The following FRMD3 variants were observed in gnomAD, a reference collection of about 807,000 sequenced individuals.
FRMD3 encodes the protein FERM domain-containing protein 3.
In FRMD3, 33 loss-of-function variants were observed where a neutral mutation model predicts 70.2. The observed-to-expected ratio is 0.47, with a 90% CI of 0.36 to 0.63. The LOEUF is 0.63. Ranked by LOEUF, FRMD3 falls within the 20% of genes least tolerant of loss-of-function variation. The pLI is 0.00. For synonymous variants in FRMD3, 279 were observed against 255.9 expected, an observed-to-expected ratio of 1.09 and a Z score of -0.86; for missense variants, 632 against 711.4, an observed-to-expected ratio of 0.89 and a Z score of 1.27.
At chr9:83,412,770 G>A (rs1826316907) in intron 1 of FRMD3, among the ~76,000 whole-genome samples, 1 of 152,178 alleles carries the variant, frequency 6.6e-6, no homozygotes, top group African/African-American at 2.4e-5. Flanking sequence ...AGAGGCGGGT[G>A]GATAACCTGA....
chr9:83,424,004 C>A (rs1288169355), intron 1 of FRMD3, among the ~76,000 whole-genome samples: 2 of 152,150 alleles, frequency 1.3e-5, no homozygotes, highest in African/African-American at 4.8e-5. Context: ...TCGGACCATG[C>A]CAGTCAAGAG....
intron 3 of FRMD3, among the ~76,000 whole-genome samples, chr9:83,357,766 G>C (rs1302385601): frequency 6.6e-6 from 1 of 151,870 alleles, no homozygotes; most frequent in Non-Finnish European, 1.5e-5. Context: ...CTTTTTGATG[G>C]GATTGCTTGT....
chr9:83,258,062 C>G (rs950347570), intron 13 of FRMD3, among the ~76,000 whole-genome samples: 1 of 152,112 alleles, frequency 6.6e-6, no homozygotes, highest in African/African-American at 2.4e-5. Context: ...AAAGACTGCC[C>G]GTTGATGACA....
intron 1 of FRMD3, among the ~76,000 whole-genome samples, chr9:83,472,078 C>T (rs1220680402): frequency 1.3e-5 from 2 of 150,006 alleles, no homozygotes; most frequent in Non-Finnish European, 3.0e-5. Flanking sequence ...GACTAGGGTG[C>T]TACCAGAGAT....
the FRMD3 span, among the ~76,000 whole-genome samples, chr9:83,578,109 G>A: frequency 6.6e-6 from 1 of 151,474 alleles, no homozygotes; most frequent in Admixed American, 6.6e-5. Flanking sequence ...CAAACGGCCT[G>A]CCAACATTGA....
At chr9:83,296,360 A>G in intron 12 of FRMD3, among the ~76,000 whole-genome samples, 1 of 152,154 alleles carries the variant, frequency 6.6e-6, no homozygotes, top group East Asian at 1.9e-4. Flanking sequence ...AGAAAATGAC[A>G]GGTGCTGCTG....
rs140529090 is a variant in FRMD3, at chr9:83,302,036, C to T, written c.927-2850G>A. ...GTTTCAGCTGAGATTTTTAATGAAA[C>T]GTTAACAGGCAGTTTATTCTGAGAG... On this transcript the variant is annotated intron_variant, in intron 10 of 13. Transcript: ENST00000304195. Among the ~76,000 whole-genome samples, 720 of 152,188 alleles carry T rather than the reference C, an allele frequency of 4.7e-3. 7 individuals are homozygous for T. The highest frequency in any genetic ancestry group is 4.3e-3 in the Non-Finnish European group (290 of 68,026).
chr9:83,294,216 C>T (rs1319055700), intron 12 of FRMD3, among the ~76,000 whole-genome samples: 2 of 152,188 alleles, frequency 1.3e-5, no homozygotes, highest in African/African-American at 2.4e-5. Flanking sequence ...TGTGAGGACA[C>T]AGCAAGAAGG....
chr9:83,448,656 TC>T (rs1432265424), intron 1 of FRMD3, among the ~76,000 whole-genome samples: 2 of 151,716 alleles, frequency 1.3e-5, no homozygotes, highest in African/African-American at 4.8e-5. Flanking sequence ...TCCATTCCCC[TC>T]CCTAAGACCA....
chr9:83,346,370 A>C (rs1823964980), intron 4 of FRMD3, among the ~76,000 whole-genome samples: 1 of 152,182 alleles, frequency 6.6e-6, no homozygotes, highest in South Asian at 2.1e-4. Flanking sequence ...CCATAACAAA[A>C]ATGAAAAGCT....
rs758618396 is a variant in FRMD3 at position 83,283,541 on chromosome 9, AAAAAAAAT to A, written c.1195+7054_1195+7061del. ...GCGAGAATCCATCTCAAAAAAAAAAAAAAAAAATAATAATAATAATAATAATAATAATA... is the reference window on the plus strand; with the variant it reads ...GCGAGAATCCATCTCAAAAAAAAAAAAATAATAATAATAATAATAATAATA... On this transcript the variant is annotated intron_variant, in intron 13 of 13. Transcript: ENST00000304195. Among the ~76,000 whole-genome samples, 201 of 25,880 alleles carry A rather than the reference AAAAAAAAT, an allele frequency of 7.8e-3. No homozygotes were observed. The South Asian group carries it at 0.21, about 27-fold the overall frequency. 17.0% of individuals were successfully genotyped at this position (25,880 alleles called of 152,430 possible). A position where few individuals can be genotyped will look rare whatever the true frequency, so the allele number is the denominator to read the frequency against.
At chr9:83,285,983 A>C (rs2118944293) in intron 13 of FRMD3, among the ~76,000 whole-genome samples, 1 of 152,296 alleles carries the variant, frequency 6.6e-6, no homozygotes, top group South Asian at 2.1e-4. Flanking sequence ...GTGCCTAGGA[A>C]CTGATTTTGT....
intron 1 of FRMD3, among the ~76,000 whole-genome samples, chr9:83,493,203 G>A (rs1456619324): frequency 2.0e-5 from 3 of 152,182 alleles, no homozygotes; most frequent in Non-Finnish European, 2.9e-5. Context: ...AGCACTGGGG[G>A]CTATGTTGGT....
chr9:83,579,371 G>C, the FRMD3 span, among the ~76,000 whole-genome samples: 1 of 151,458 alleles, frequency 6.6e-6, no homozygotes, highest in Admixed American at 6.6e-5. Flanking sequence ...CACACTCCCT[G>C]ATTTCATAGT....
chr9:83,405,238 T>C (rs527857960), intron 1 of FRMD3, among the ~76,000 whole-genome samples: 33 of 152,298 alleles, frequency 2.2e-4, no homozygotes, highest in African/African-American at 7.9e-4. Flanking sequence ...GGCCTCCCAG[T>C]GCCCAGGTGT....
At chr9:83,353,941 G>A (rs553170254) in intron 3 of FRMD3, among the ~76,000 whole-genome samples, 1 of 149,876 alleles carries the variant, frequency 6.7e-6, no homozygotes, top group East Asian at 1.9e-4. Flanking sequence ...TTTTTTTCTT[G>A]AGACAGAGTT....
chr9:83,476,552 C>T (rs1587891327), intron 1 of FRMD3, among the ~76,000 whole-genome samples: 1 of 152,200 alleles, frequency 6.6e-6, no homozygotes, highest in East Asian at 1.9e-4. Flanking sequence ...GGAGATGTGC[C>T]TCAATAATTA....
chr9:83,246,976 G>A lies in FRMD3; in HGVS notation c.*942C>T, dbSNP rs1832136541. On this transcript the variant is annotated 3_prime_UTR_variant, in exon 14 of 14. Coordinates refer to ENST00000304195, the MANE Select transcript of FRMD3 (RefSeq NM_174938.6). The stretch of plus-strand genomic sequence containing the variant: ...AGTTCCTATCTGCCTTCACTCTTGG[G>A]TTAATGTACATTGATATGCAACTGA... 5.1e-6 allele frequency: 5 copies of A among 985,198 alleles called. No individual in the cohort carries two copies. Among genetic ancestry groups the A allele is most frequent in the African/African-American group, 1.7e-5 (1 of 57,198 alleles). 61.0% of individuals were successfully genotyped at this position (985,198 alleles called of 1,614,324 possible).
At chr9:83,413,741 G>A (rs1007421200) in intron 1 of FRMD3, among the ~76,000 whole-genome samples, 12 of 151,942 alleles carry the variant, frequency 7.9e-5, no homozygotes, top group African/African-American at 2.7e-4. Context: ...TCTTAATATT[G>A]TAGCTTTTTA....
Sources: gnomAD v4.1 joint callset for allele counts (sites outside exome capture counted in the v4.1 genomes callset) on GRCh38, gnomAD v4.1.1 for gene constraint, MANE v1.5 for transcripts, NCBI Gene and HGNC (gene_info 2026-07-23, HGNC 2026-07-21) for gene names.